Variants in DHX32 observed in about 807,000 individuals in gnomAD.
The protein encoded by DHX32 is putative pre-mRNA-splicing factor ATP-dependent RNA helicase DHX32.
DHX32 carries 51 observed loss-of-function variants against 70.0 expected under a neutral mutation model. The ratio of observed to expected loss-of-function variants is 0.73; its 90% CI spans 0.58 to 0.92. DHX32 has a LOEUF of 0.92. DHX32 is among the 40% of genes least tolerant of loss of function. The pLI is 0.00. For missense variants in DHX32, 762 were observed against 891.8 expected (o/e 0.85, Z 1.85); for synonymous variants, 310 against 315.3 (o/e 0.98, Z 0.18).
Position 125,836,776 on chromosome 10 carries a change from C to T in DHX32, c.2143G>A (p.Asp715Asn), listed in dbSNP as rs531809485. ...ESKDILQQVV[D>N]HLSPVSTMNK... is the part of the protein sequence containing the mutation. ...ATTGTTGACACAGGGGATAGGTGAT[C>T]CACTACTTGCTGTAGAATGTCCTTA... The change falls in exon 11 of 11, where the codon GAT (aspartate) becomes AAT (asparagine). Residue 715 changes from aspartate to asparagine, a missense_variant. This residue lies in a region of DHX32 where 366 missense variants were observed against 402.6 expected (regional missense o/e 0.91). Coordinates refer to ENST00000284690, the MANE Select transcript of DHX32 (RefSeq NM_018180.3). The T allele has an allele frequency of 2.5e-6, 4 of 1,614,084 alleles. No individual in the cohort carries two copies. Among genetic ancestry groups the T allele is most frequent in the African/African-American group, 1.3e-5 (1 of 75,024 alleles).
Position 125,852,620 on chromosome 10 carries a change from G to A in DHX32, c.1115C>T (p.Ala372Val), listed in dbSNP as rs777280901. The A allele has an allele frequency of 6.2e-7, 1 of 1,612,032 alleles. No homozygotes were observed. Among genetic ancestry groups the A allele is most frequent in the Non-Finnish European group, 8.5e-7 (1 of 1,179,514 alleles). Residue 372 changes from alanine to valine, a missense_variant, in exon 5 of 11, where the codon GCA (alanine) becomes GTA (valine). Ala to Val is a moderately conservative substitution (Grantham distance 64). Transcript: ENST00000284690. ...RRKVYNPRIR[A>V]NSLVMQPISQ... is the part of the protein sequence containing the mutation. ...GATGGGCTGCATGACGAGCGAGTTTGCTCTTATTCTCGGGTTGTACACCTT... is the reference window on the plus strand; with the variant it reads ...GATGGGCTGCATGACGAGCGAGTTTACTCTTATTCTCGGGTTGTACACCTT...
At chr10:125,843,659 C>T (rs1350719425) in intron 6 of DHX32, among the ~76,000 whole-genome samples, 1 of 152,154 alleles carries the variant, frequency 6.6e-6, no homozygotes, top group Non-Finnish European at 1.5e-5. Flanking sequence ...AAAATTCCTC[C>T]ATTCCTGTCA....
At chr10:125,855,451 T>G (rs891073022) in intron 3 of DHX32, among the ~76,000 whole-genome samples, 25 of 144,712 alleles carry the variant, frequency 1.7e-4, no homozygotes, top group African/African-American at 7.9e-5. Context: ...ATAAACTGTT[T>G]TTTTTTTTTT....
chr10:125,852,450 T>C lies in DHX32; in HGVS notation c.1194A>G (p.Gly398=). ...RKQILGSSSS[G]KFFCLYTEEF... ...CTTCAGTGTACAGGCAGAAAAATTT[T>C]CCTAAAAGACACCAAGAAAAATGGC... Residue 398 remains glycine (G), a splice_region_variant and synonymous_variant, in exon 6 of 11, where the codon GGA becomes GGG. Transcript: ENST00000284690. 1.2e-6 allele frequency: 2 copies of C among 1,613,980 alleles called. No homozygotes were observed. Among genetic ancestry groups the C allele is most frequent in the Non-Finnish European group, 1.7e-6 (2 of 1,179,978 alleles).
intron 2 of DHX32, among the ~76,000 whole-genome samples, chr10:125,860,751 C>CTTTT (rs1944181699): frequency 5.0e-5 from 4 of 80,268 alleles, no homozygotes; most frequent in Non-Finnish European, 8.1e-5. Flanking sequence ...AAACCAATCC[C>CTTTT]ATTTTTTTTT....
At chr10:125,865,237 A>G (rs1168742098) in intron 2 of DHX32, among the ~76,000 whole-genome samples, 1 of 152,210 alleles carries the variant, frequency 6.6e-6, no homozygotes, top group Non-Finnish European at 1.5e-5. Flanking sequence ...TGTCCTGTCC[A>G]GCTCTTTAAC....
upstream of DHX32, among the ~76,000 whole-genome samples, chr10:125,882,264 T>A (rs964260471): frequency 2.6e-5 from 4 of 152,190 alleles, no homozygotes; most frequent in Non-Finnish European, 5.9e-5. Context: ...TTAAAAAGAA[T>A]AATAAAATAC....
In DHX32 at chr10:125,836,449, A is replaced by C; in HGVS notation, c.*238T>G. The C allele has an allele frequency of 7.0e-7, 1 of 1,420,878 alleles. No homozygotes were observed. Among genetic ancestry groups the C allele is most frequent in the Non-Finnish European group, 9.2e-7 (1 of 1,092,700 alleles). The allele number at this position is 1,420,878 out of a possible 1,614,324, so 88.0% of individuals were successfully genotyped here. On this transcript the variant is annotated 3_prime_UTR_variant, in exon 11 of 11. Coordinates refer to ENST00000284690, the MANE Select transcript of DHX32 (RefSeq NM_018180.3). Reference sequence around the variant, plus strand: ...ATACCAGTTTTTTAAAATTTTGGTCAAATTATGAGTGGTTGATTTAAAAAC... The same window carrying C: ...ATACCAGTTTTTTAAAATTTTGGTCCAATTATGAGTGGTTGATTTAAAAAC...
chr10:125,883,173 T>C (rs116569014), upstream of DHX32, among the ~76,000 whole-genome samples: 209 of 152,342 alleles, frequency 1.4e-3, 2 homozygotes, highest in African/African-American at 4.8e-3. Flanking sequence ...GTCTTCTTTC[T>C]AAAGACCTGA....
At chr10:125,841,431 A>G in intron 7 of DHX32, 1 of 1,573,730 alleles carries the variant, frequency 6.4e-7, no homozygotes. Context: ...TTATTTGGGG[A>G]AAAACACCTC....
intron 1 of DHX32, among the ~76,000 whole-genome samples, chr10:125,893,337 G>A (rs75556604): frequency 1.3e-5 from 2 of 152,222 alleles, no homozygotes; most frequent in East Asian, 1.9e-4. Flanking sequence ...TCCGCCTCCC[G>A]GGTTCACGCC....
chr10:125,853,994 TCTGA>T lies in DHX32; in HGVS notation c.1055_1058del (p.Val352AspfsTer18). ...TTTCCACACCCACATCGATAACAAA[TCTGA>T]CTGAGTTGCTCCAGATCAAAAACTC... On this transcript the variant is annotated frameshift_variant, in exon 4 of 11. Transcript: ENST00000284690. LOFTEE classifies it high-confidence loss of function. 1.2e-6 allele frequency: 2 copies of T among 1,613,990 alleles called. No homozygotes were observed. The highest frequency in any genetic ancestry group is 8.5e-7 in the Non-Finnish European group (1 of 1,179,970).
chr10:125,842,635 G>A (rs1232650855), intron 6 of DHX32: 1 of 166,032 alleles, frequency 6.0e-6, no homozygotes, highest in African/African-American at 2.4e-5. Flanking sequence ...CAGTGCCCAA[G>A]AAGGTAAAAT....
chr10:125,874,237 C>T (rs904266620), intron 1 of DHX32, among the ~76,000 whole-genome samples: 3 of 152,164 alleles, frequency 2.0e-5, no homozygotes, highest in Non-Finnish European at 2.9e-5. Flanking sequence ...AAAACAGTCT[C>T]GCAAACTCTT....
chr10:125,885,106 C>A (rs553125461), upstream of DHX32, among the ~76,000 whole-genome samples: 28 of 152,230 alleles, frequency 1.8e-4, no homozygotes, highest in Middle Eastern at 3.4e-3. Context: ...TACACGCCTG[C>A]AACTGAGCTC....
intron 1 of DHX32, among the ~76,000 whole-genome samples, chr10:125,889,120 ATAT>A (rs1944355680): frequency 6.6e-6 from 1 of 152,236 alleles, no homozygotes; most frequent in Non-Finnish European, 1.5e-5. Context: ...ACATCCGTCT[ATAT>A]TGAAATCTTT....
intron 6 of DHX32, among the ~76,000 whole-genome samples, chr10:125,843,699 C>T (rs1854940797): frequency 6.6e-6 from 1 of 152,214 alleles, no homozygotes; most frequent in Non-Finnish European, 1.5e-5. Context: ...GAAGCCACTA[C>T]TGTAGGCTGG....
At chr10:125,888,325 T>C (rs1396880263) in intron 1 of DHX32, among the ~76,000 whole-genome samples, 3 of 151,964 alleles carry the variant, frequency 2.0e-5, no homozygotes, top group African/African-American at 7.3e-5. Flanking sequence ...TGCCTCAGTC[T>C]CTCGAGTAGT....
rs767697968 is a variant in DHX32, at chr10:125,866,109, G to A, written c.476+881C>T. On this transcript the variant is annotated intron_variant, in intron 2 of 10. Coordinates refer to ENST00000284690, the MANE Select transcript of DHX32 (RefSeq NM_018180.3). The surrounding 1 kb of genome is among the most constrained non-coding windows in gnomAD (Gnocchi z 4.8). ...TAGCTACTTGGCTCTTGGAGTGGTCGGGCAGTGCCCGGGGCAGCTGAAGCC... is the reference window on the plus strand; with the variant it reads ...TAGCTACTTGGCTCTTGGAGTGGTCAGGCAGTGCCCGGGGCAGCTGAAGCC... 1.7e-3 allele frequency among the ~76,000 whole-genome samples: 261 copies of A among 152,206 alleles called. No homozygotes were observed. The highest frequency in any genetic ancestry group is 0.014 in the Middle Eastern group (4 of 294).
Sources: allele counts gnomAD v4.1 joint callset (sites outside exome capture counted in the v4.1 genomes callset), GRCh38; gene constraint gnomAD v4.1.1; regional missense constraint gnomAD v4.1.1; non-coding constraint Gnocchi (gnomAD v3.1); transcripts MANE v1.5; gene names NCBI Gene and HGNC (gene_info 2026-07-23, HGNC 2026-07-21).